The following KBTBD12 variants were observed in gnomAD, a reference collection of about 807,000 sequenced individuals.
KBTBD12 encodes the protein kelch repeat and BTB domain-containing protein 12.
KBTBD12 carries 53 observed loss-of-function variants against 58.7 expected under a neutral mutation model. The observed-to-expected ratio is 0.90, with a 90% confidence interval of 0.72 to 1.14. The LOEUF (loss-of-function observed/expected upper bound fraction) is 1.14. Among genes scored for constraint, KBTBD12 ranks in the 50% most tolerant of loss-of-function variants. The pLI is 0.00. For synonymous variants in KBTBD12, 236 were observed against 259.8 expected (o/e 0.91, Z 0.88); for missense variants, 704 against 751.3 (o/e 0.94, Z 0.74).
intron 4 of KBTBD12, among the ~76,000 whole-genome samples, chr3:127,961,289 G>A (rs1940433934): frequency 6.6e-6 from 1 of 152,210 alleles, no homozygotes; most frequent in Admixed American, 6.5e-5. Flanking sequence ...CATTGAAAGA[G>A]GGCCCAGGAA....
chr3:127,923,911 T>G lies in KBTBD12; in HGVS notation c.850T>G (p.Ser284Ala). Residue 284 changes from serine (S) to alanine (A), a missense_variant, in exon 2 of 6, where the codon TCT (serine) becomes GCT (alanine). Transcript: ENST00000405109. ...TCTTCTGCTTTGCATTGGCAACAAT[T>G]CTTCAGGAATCAGATCAAGACATAG... ...TSLLLCIGNN[S>A]SGIRSRHRSY... 1.2e-6 allele frequency: 2 copies of G among 1,613,908 alleles called. No homozygotes were observed. The highest frequency in any genetic ancestry group is 1.7e-6 in the Non-Finnish European group (2 of 1,179,818).
chr3:127,963,701 A>T (rs948814361), intron 5 of KBTBD12: 1 of 245,272 alleles, frequency 4.1e-6, no homozygotes, highest in Non-Finnish European at 7.9e-6. Flanking sequence ...TGGGAGAATT[A>T]AAAGGGAATC....
At position 127,945,804 on chromosome 3, in the gene KBTBD12, G is replaced by A. The variant is rs147545772; in HGVS notation, c.1492+15521G>A. Among the ~76,000 whole-genome samples the A allele has an allele frequency of 8.6e-5, 13 of 151,014 alleles. No homozygotes were observed. The East Asian group carries it at 9.9e-4, about 11-fold the overall frequency. On this transcript the variant is annotated intron_variant, in intron 4 of 5. Coordinates refer to ENST00000405109, the MANE Select transcript of KBTBD12 (RefSeq NM_207335.4). ...AGCGACTTTTCTGCCTTAGCCTCCC[G>A]AGTAGCTAAGACTACAGGCATGTGC...
chr3:127,972,864 T>A (rs1940709251), intron 5 of KBTBD12, among the ~76,000 whole-genome samples: 1 of 152,178 alleles, frequency 6.6e-6, no homozygotes, highest in Non-Finnish European at 1.5e-5. Flanking sequence ...AATGTAGAAG[T>A]CATGATAGAA....
intron 5 of KBTBD12, among the ~76,000 whole-genome samples, chr3:127,967,555 A>G (rs1940599797): frequency 6.6e-6 from 1 of 152,180 alleles, no homozygotes; most frequent in South Asian, 2.1e-4. Context: ...TCATCTGACA[A>G]AGCAAGAGGC....
chr3:127,967,980 G>T (rs1576392872), intron 5 of KBTBD12, among the ~76,000 whole-genome samples: 1 of 152,130 alleles, frequency 6.6e-6, no homozygotes. Context: ...CATGCTCACT[G>T]GTCATTATGA....
intron 5 of KBTBD12, among the ~76,000 whole-genome samples, chr3:127,969,411 G>T (rs1408192180): frequency 5.3e-5 from 8 of 151,972 alleles, no homozygotes. Context: ...ATCATTAAAA[G>T]GAATTAAAAT....
chr3:127,974,732 A>T (rs1940747912), intron 5 of KBTBD12, among the ~76,000 whole-genome samples: 1 of 152,208 alleles, frequency 6.6e-6, no homozygotes, highest in East Asian at 1.9e-4. Flanking sequence ...TCACGCCTGT[A>T]ATCCCAGAAC....
intron 4 of KBTBD12, among the ~76,000 whole-genome samples, chr3:127,955,442 T>C (rs1559769716): frequency 2.0e-5 from 3 of 152,250 alleles, no homozygotes; most frequent in South Asian, 2.1e-4. Flanking sequence ...AATGGTGAGT[T>C]AGTTTGTGAA....
At position 127,930,128 on chromosome 3, in the gene KBTBD12, T is replaced by C; in HGVS notation, c.1342-5T>C. 6.4e-7 allele frequency: 1 copy of C among 1,574,478 alleles called. No homozygotes were observed. Among genetic ancestry groups the C allele is most frequent in the Non-Finnish European group, 8.6e-7 (1 of 1,158,208 alleles). On this transcript the variant is annotated splice_polypyrimidine_tract_variant and splice_region_variant and intron_variant, in intron 3 of 5. Coordinates refer to ENST00000405109, the MANE Select transcript of KBTBD12 (RefSeq NM_207335.4). ...TTATTATATTGGCTGTCATATTTCATACAGATGGATCTTCCTGATGAAGAA... is the reference window on the plus strand; with the variant it reads ...TTATTATATTGGCTGTCATATTTCACACAGATGGATCTTCCTGATGAAGAA...
chr3:127,942,677 CAACTATATAT>C (rs1229647728), intron 4 of KBTBD12, among the ~76,000 whole-genome samples: 3 of 146,492 alleles, frequency 2.0e-5, no homozygotes, highest in African/African-American at 7.5e-5. Context: ...ACTATATATA[CAACTATATAT>C]AACTATATAT....
intron 2 of KBTBD12, among the ~76,000 whole-genome samples, chr3:127,927,329 C>T (rs1159896859): frequency 6.6e-6 from 1 of 151,992 alleles, no homozygotes; most frequent in Non-Finnish European, 1.5e-5. Context: ...GATTCTCTGC[C>T]CTAAAACTGT....
At chr3:127,944,722 G>A (rs62271661) in intron 4 of KBTBD12, among the ~76,000 whole-genome samples, 62 of 152,192 alleles carry the variant, frequency 4.1e-4, no homozygotes, top group Non-Finnish European at 7.6e-4. Flanking sequence ...TATAGAAGTG[G>A]CAAGGCATCC....
At chr3:127,983,758 AAAAC>A (rs1167989114) in intron 5 of KBTBD12, among the ~76,000 whole-genome samples, 3 of 151,758 alleles carry the variant, frequency 2.0e-5, no homozygotes, top group Non-Finnish European at 4.4e-5. Flanking sequence ...TCTCAAAAAA[AAAAC>A]AGTCTGGCTT....
chr3:127,973,727 C>A (rs916635344), intron 5 of KBTBD12, among the ~76,000 whole-genome samples: 1 of 152,194 alleles, frequency 6.6e-6, no homozygotes, highest in African/African-American at 2.4e-5. Context: ...GCAGAATACA[C>A]CGGTATTCAG....
intron 3 of KBTBD12, 22 bp from the exon 4 acceptor site, chr3:127,930,111 T>C (rs1939668113): frequency 6.4e-7 from 1 of 1,558,870 alleles, no homozygotes; most frequent in Middle Eastern, 1.7e-4. Context: ...TGTTATTATA[T>C]TGGCTGTCAT....
chr3:127,930,603 C>T (rs372784870), intron 4 of KBTBD12, among the ~76,000 whole-genome samples: 3 of 152,210 alleles, frequency 2.0e-5, no homozygotes, highest in South Asian at 2.1e-4. Context: ...CACTTTTAGT[C>T]AATGAAATGT....
chr3:127,930,337 T>C, intron 4 of KBTBD12, 54 bp downstream of exon 4: 1 of 1,539,840 alleles, frequency 6.5e-7, no homozygotes, highest in Non-Finnish European at 8.8e-7. Context: ...CCTCAGCAGT[T>C]TGCCTCAGCA....
intron 1 of KBTBD12, among the ~76,000 whole-genome samples, chr3:127,919,729 C>T (rs1381268824): frequency 2.6e-5 from 4 of 151,938 alleles, no homozygotes; most frequent in Non-Finnish European, 4.4e-5. Flanking sequence ...ATTGGGCTAC[C>T]TACACCCTGA....
Sources: gnomAD v4.1 joint callset for allele counts (sites outside exome capture counted in the v4.1 genomes callset) on GRCh38, gnomAD v4.1.1 for gene constraint, MANE v1.5 for transcripts, NCBI Gene and HGNC (gene_info 2026-07-23, HGNC 2026-07-21) for gene names.